ABCC9: variants seen among roughly 807,000 people sequenced by gnomAD.
The protein encoded by ABCC9 is ATP binding cassette subfamily C member 9.
Under a neutral mutation model 188.3 loss-of-function variants are expected in ABCC9, and 95 were observed. The observed-to-expected ratio is 0.50, with a 90% CI of 0.43 to 0.60. The LOEUF is 0.60. Ranked by LOEUF, ABCC9 falls within the 20% of genes least tolerant of loss-of-function variation. The probability of loss-of-function intolerance (pLI) is 0.00; values close to 1 mark genes in which losing one functional copy is unlikely to be tolerated. For missense variants in ABCC9, 1,102 were observed against 1,876.3 expected, an observed-to-expected ratio of 0.59 and a Z score of 7.62; for synonymous variants, 659 against 652.7, an observed-to-expected ratio of 1.01 and a Z score of -0.15.
At position 21,798,268 on chromosome 12, in the gene ABCC9, C is replaced by G. The variant is rs1178043303; in HGVS notation, c.*2776G>C. The G allele has an allele frequency of 6.6e-6, 1 of 152,044 alleles. No individual in the cohort carries two copies. Among genetic ancestry groups the G allele is most frequent in the African/African-American group, 2.4e-5 (1 of 41,404 alleles). The allele number at this position is 152,044 out of a possible 1,614,324, so 9.4% of individuals were successfully genotyped here. ...CTTCCACAATGGTTGAACTAGTTTA[C>G]AGTCCCACCAACAGTGTAAAAGTGT... On this transcript the variant is annotated 3_prime_UTR_variant, in exon 40 of 40. Coordinates refer to ENST00000261200, the MANE Select transcript of ABCC9 (RefSeq NM_020297.4).
intron 16 of ABCC9, among the ~76,000 whole-genome samples, chr12:21,879,546 T>C (rs886159925): frequency 1.3e-5 from 2 of 152,164 alleles, no homozygotes; most frequent in Non-Finnish European, 2.9e-5. Context: ...TGCACAACAT[T>C]GTGAATGTAC....
At chr12:21,813,822 C>A (rs1252502261) in intron 35 of ABCC9, among the ~76,000 whole-genome samples, 1 of 152,166 alleles carries the variant, frequency 6.6e-6, no homozygotes, top group Non-Finnish European at 1.5e-5. Flanking sequence ...TCTCACAGAG[C>A]TGTTGTGTAG....
chr12:21,919,586 TAGAC>T (rs1948726924), intron 5 of ABCC9, among the ~76,000 whole-genome samples: 1 of 151,958 alleles, frequency 6.6e-6, no homozygotes, highest in African/African-American at 2.4e-5. Flanking sequence ...AAAAAAGTAT[TAGAC>T]ATAACACTCT....
chr12:21,818,886 T>C (rs1000600143), intron 31 of ABCC9, among the ~76,000 whole-genome samples: 1 of 152,122 alleles, frequency 6.6e-6, no homozygotes, highest in African/African-American at 2.4e-5. Context: ...CAACCTACTA[T>C]TTGAACTTTT....
chr12:21,899,001 T>C (rs997642733), intron 12 of ABCC9, among the ~76,000 whole-genome samples: 1 of 152,172 alleles, frequency 6.6e-6, no homozygotes, highest in Non-Finnish European at 1.5e-5. Context: ...TATCACATCA[T>C]AAGCTCCCAA....
rs140886523 is a variant in ABCC9, at chr12:21,868,406, G to A, written c.2199-3929C>T. On this transcript the variant is annotated intron_variant, in intron 18 of 39. Coordinates refer to ENST00000261200, the MANE Select transcript of ABCC9 (RefSeq NM_020297.4). ...TGTAATCCCAACACTTTGGGAGGCC[G>A]AGACAGGCGGATTATGAGGTCAGGA... is the stretch of plus-strand genomic sequence containing the variant. Among the ~76,000 whole-genome samples the A allele has an allele frequency of 7.1e-3, 1,088 of 152,284 alleles. 12 individuals are homozygous for A. Among genetic ancestry groups the A allele is most frequent in the African/African-American group, 0.025 (1,039 of 41,558 alleles).
intron 25 of ABCC9, among the ~76,000 whole-genome samples, chr12:21,846,938 C>G (rs1190518880): frequency 3.9e-5 from 6 of 152,068 alleles, no homozygotes; most frequent in Middle Eastern, 3.4e-3. Context: ...ACGTGCAACT[C>G]CAAGTCTCTT....
intron 25 of ABCC9, among the ~76,000 whole-genome samples, chr12:21,846,744 A>G (rs1021618984): frequency 6.6e-6 from 1 of 152,160 alleles, no homozygotes; most frequent in East Asian, 1.9e-4. Flanking sequence ...AGAAATTCGC[A>G]TGATCAAAGA....
At chr12:21,921,974 C>T (rs1948838617) in intron 5 of ABCC9, among the ~76,000 whole-genome samples, 1 of 151,888 alleles carries the variant, frequency 6.6e-6, no homozygotes, top group African/African-American at 2.4e-5. Context: ...ATTACTACAG[C>T]TTTGTAGTAT....
chr12:21,892,892 CTA>C (rs1047623178), intron 14 of ABCC9, among the ~76,000 whole-genome samples: 37 of 152,250 alleles, frequency 2.4e-4, no homozygotes, highest in African/African-American at 8.9e-4. Context: ...AAATGATGTT[CTA>C]TGTTTCCGTC....
Position 21,815,901 on chromosome 12 carries a change from A to G in ABCC9, c.3893-8T>C. 1 of 1,612,096 alleles carries G rather than the reference A, an allele frequency of 6.2e-7. No individual in the cohort carries two copies. Among genetic ancestry groups the G allele is most frequent in the East Asian group, 2.2e-5 (1 of 44,744 alleles). ...CTGGAACTTGAGAAGGATCTGGAGG[A>G]TGGGATGGGGAAATAGACAGATAAT... On this transcript the variant is annotated splice_region_variant and splice_polypyrimidine_tract_variant and intron_variant, in intron 33 of 39. Coordinates refer to ENST00000261200, the MANE Select transcript of ABCC9 (RefSeq NM_020297.4).
chr12:21,869,931 A>C (rs2137562089), intron 18 of ABCC9, among the ~76,000 whole-genome samples: 1 of 152,332 alleles, frequency 6.6e-6, no homozygotes, highest in African/African-American at 2.4e-5. Flanking sequence ...AACATGGAAG[A>C]TGGTCCAACT....
chr12:21,802,621 T>C (rs1941534300), intron 39 of ABCC9, among the ~76,000 whole-genome samples: 1 of 152,198 alleles, frequency 6.6e-6, no homozygotes. Flanking sequence ...CAATTCGAAC[T>C]ATCAACATTT....
At chr12:21,886,246 G>T (rs7137730) in intron 15 of ABCC9, among the ~76,000 whole-genome samples, 48,169 of 151,686 alleles carry the variant, frequency 0.32, 7,862 homozygotes, top group Admixed American at 0.36. Context: ...TGTGCAAAAT[G>T]TACCTCTTGA....
intron 25 of ABCC9, among the ~76,000 whole-genome samples, chr12:21,847,585 C>T (rs1348992689): frequency 6.6e-6 from 1 of 152,088 alleles, no homozygotes; most frequent in Non-Finnish European, 1.5e-5. Flanking sequence ...CAATGAATGT[C>T]AAAGCAGTGT....
At chr12:21,884,308 AGCTATCT>A (rs1208430992) in intron 15 of ABCC9, among the ~76,000 whole-genome samples, 1 of 152,150 alleles carries the variant, frequency 6.6e-6, no homozygotes, top group African/African-American at 2.4e-5. Flanking sequence ...CCTGGATACA[AGCTATCT>A]GCCCATCTCA....
rs1771857690 is a variant in ABCC9, at chr12:21,814,699, G to A, written c.4047C>T (p.Gly1349=). The change falls in exon 35 of 40, where the codon GGC becomes GGT. Residue 1349 remains glycine (G), a synonymous_variant. Transcript: ENST00000261200. The part of the protein sequence containing the change: ...GQKVGICGRT[G]SGKSSLSLAF... ...CCAGAGATAACGATGATTTCCCACTGCCAGTGCGACCACATATGCCCACCT... is the reference window on the plus strand; with the variant it reads ...CCAGAGATAACGATGATTTCCCACTACCAGTGCGACCACATATGCCCACCT... 4 of 1,613,940 alleles carry A rather than the reference G, an allele frequency of 2.5e-6. No individual in the cohort carries two copies. The highest frequency in any genetic ancestry group is 3.4e-6 in the Non-Finnish European group (4 of 1,179,932).
intron 5 of ABCC9, among the ~76,000 whole-genome samples, chr12:21,921,047 T>C (rs1948798907): frequency 6.6e-6 from 1 of 152,120 alleles, no homozygotes; most frequent in African/African-American, 2.4e-5. Flanking sequence ...TGCAGATGTC[T>C]GTTCGATATA....
chr12:21,934,766 G>A (rs943646980), intron 3 of ABCC9, among the ~76,000 whole-genome samples: 1 of 151,906 alleles, frequency 6.6e-6, no homozygotes, highest in African/African-American at 2.4e-5. Flanking sequence ...CCTACTTCAA[G>A]AACAAATGGG....
Sources: gnomAD v4.1 joint callset for allele counts (sites outside exome capture counted in the v4.1 genomes callset) on GRCh38, gnomAD v4.1.1 for gene constraint, MANE v1.5 for transcripts, NCBI Gene and HGNC (gene_info 2026-07-23, HGNC 2026-07-21) for gene names.